Variants in CARMIL1 observed in about 807,000 individuals in gnomAD.
The protein encoded by CARMIL1 is capping protein regulator and myosin 1 linker 1.
Under a neutral mutation model 177.1 loss-of-function variants are expected in CARMIL1, and 90 were observed. That is an observed-to-expected ratio of 0.51 (90% CI 0.43 to 0.61). The LOEUF (loss-of-function observed/expected upper bound fraction) is 0.61, where lower values mean the gene tolerates loss of function less well. Among genes scored for constraint, CARMIL1 ranks in the 20% least tolerant of loss-of-function variants. The pLI, the probability that CARMIL1 is intolerant of heterozygous loss-of-function variation, is 0.00. For synonymous variants in CARMIL1, 577 were observed against 606.2 expected (o/e 0.95, Z 0.71); for missense variants, 1,380 against 1,667.0 (o/e 0.83, Z 3.00).
intron 5 of CARMIL1, among the ~76,000 whole-genome samples, chr6:25,437,735 C>T (rs1797356455): frequency 6.6e-6 from 1 of 152,212 alleles, no homozygotes; most frequent in Admixed American, 6.5e-5. Context: ...CACATAGTCT[C>T]ACAAGTTAAA....
chr6:25,397,351 C>G (rs1049923706), intron 2 of CARMIL1, among the ~76,000 whole-genome samples: 2 of 152,144 alleles, frequency 1.3e-5, no homozygotes, highest in African/African-American at 4.8e-5. Flanking sequence ...TCCAAATCCC[C>G]TTTCAAGAGG....
intron 8 of CARMIL1, chr6:25,451,986 G>GGGGGGGGGGGGGGGGGGGGGGGCCCC: frequency 8.9e-6 from 1 of 112,672 alleles, no homozygotes; most frequent in Non-Finnish European, 1.7e-5. Context: ...CTAGCATCTT[G>GGGGGGGGGGGGGGGGGGGGGGGCCCC]CCCCCCCCTC....
intron 15 of CARMIL1, 150 bp from the exon 16 acceptor site, chr6:25,494,961 G>C: frequency 1.8e-6 from 1 of 565,730 alleles, no homozygotes; most frequent in Non-Finnish European, 3.1e-6. Context: ...TGGATTTATG[G>C]CTTTAGGTTT....
intron 35 of CARMIL1, among the ~76,000 whole-genome samples, chr6:25,607,963 A>C (rs377487582): frequency 1.3e-4 from 20 of 152,310 alleles, no homozygotes; most frequent in East Asian, 9.6e-4. Flanking sequence ...GAACACAAAA[A>C]ATTTCTTGGT....
At chr6:25,418,463 C>A (rs553231283) in intron 2 of CARMIL1, among the ~76,000 whole-genome samples, 1 of 152,092 alleles carries the variant, frequency 6.6e-6, no homozygotes, top group South Asian at 2.1e-4. Flanking sequence ...CCGCACTCAT[C>A]CTGGCCATAC....
At chr6:25,593,527 T>G (rs916136648) in intron 31 of CARMIL1, among the ~76,000 whole-genome samples, 4 of 152,148 alleles carry the variant, frequency 2.6e-5, no homozygotes, top group Non-Finnish European at 5.9e-5. Context: ...GACTCAAAAG[T>G]GACTTAAACA....
intron 2 of CARMIL1, among the ~76,000 whole-genome samples, chr6:25,294,447 A>C (rs573544612): frequency 6.6e-6 from 1 of 152,118 alleles, no homozygotes; most frequent in Non-Finnish European, 1.5e-5. Context: ...CATGTGTCCT[A>C]ACCTAGGAGA....
At chr6:25,511,370 A>G (rs1805433724) in intron 20 of CARMIL1, among the ~76,000 whole-genome samples, 1 of 152,186 alleles carries the variant, frequency 6.6e-6, no homozygotes, top group African/African-American at 2.4e-5. Context: ...TTTATGGACA[A>G]AATAAGAAGC....
chr6:25,465,071 C>CAAAAAAAAAA (rs558022196), intron 8 of CARMIL1, among the ~76,000 whole-genome samples: 17 of 61,972 alleles, frequency 2.7e-4, no homozygotes, highest in African/African-American at 6.1e-4. Context: ...AGAACTAAAG[C>CAAAAAAAAAA]AAAAAAAAAA....
chr6:25,463,978 A>G (rs984182291), intron 8 of CARMIL1, among the ~76,000 whole-genome samples: 1 of 151,180 alleles, frequency 6.6e-6, no homozygotes, highest in Non-Finnish European at 1.5e-5. Flanking sequence ...GCCCGCCACT[A>G]CGCCCGGCTA....
intron 2 of CARMIL1, among the ~76,000 whole-genome samples, chr6:25,349,864 G>A (rs748310310): frequency 6.6e-6 from 1 of 151,998 alleles, no homozygotes; most frequent in Non-Finnish European, 1.5e-5. Context: ...GAGTAGCTGG[G>A]ATTACAGGCA....
intron 11 of CARMIL1, among the ~76,000 whole-genome samples, chr6:25,473,106 C>G (rs369288645): frequency 6.6e-6 from 1 of 152,218 alleles, no homozygotes; most frequent in South Asian, 2.1e-4. Context: ...CCCCCTATCT[C>G]ACAACACAGA....
chr6:25,471,091 T>C (rs1286410864), intron 9 of CARMIL1, 78 bp from the exon 10 acceptor site: 1 of 873,076 alleles, frequency 1.1e-6, no homozygotes, highest in Non-Finnish European at 1.8e-6. Context: ...ATTAAAACTT[T>C]GCATTGCATA....
intron 36 of CARMIL1, 45 bp from the exon 37 acceptor site, chr6:25,619,402 G>T: frequency 6.3e-7 from 1 of 1,589,654 alleles, no homozygotes; most frequent in East Asian, 2.3e-5. Flanking sequence ...CAGGCCACTG[G>T]TATTACTTTG....
intron 9 of CARMIL1, among the ~76,000 whole-genome samples, chr6:25,468,267 A>T (rs976993115): frequency 1.1e-4 from 16 of 151,428 alleles, no homozygotes; most frequent in Non-Finnish European, 1.6e-4. Flanking sequence ...TTGATTCATT[A>T]AAAAAAACAG....
chr6:25,487,222 C>T (rs1172090520), intron 12 of CARMIL1, among the ~76,000 whole-genome samples: 2 of 152,140 alleles, frequency 1.3e-5, no homozygotes, highest in Non-Finnish European at 1.5e-5. Context: ...AAGCTCACAG[C>T]AGGGAGGTGC....
At chr6:25,489,719 C>G (rs1803002608) in intron 13 of CARMIL1, among the ~76,000 whole-genome samples, 1 of 152,064 alleles carries the variant, frequency 6.6e-6, no homozygotes. Context: ...AAATGAAGGC[C>G]TTTTTGTATT....
At chr6:25,591,747 C>T (rs1190355960) in intron 31 of CARMIL1, among the ~76,000 whole-genome samples, 1 of 152,224 alleles carries the variant, frequency 6.6e-6, no homozygotes, top group Non-Finnish European at 1.5e-5. Flanking sequence ...AACCATGTCT[C>T]ATGGAAGATC....
chr6:25,330,459 C>G (rs976204587), intron 2 of CARMIL1, among the ~76,000 whole-genome samples: 7 of 152,136 alleles, frequency 4.6e-5, no homozygotes, highest in Admixed American at 4.6e-4. Context: ...TTGATTGCAG[C>G]TTGGTAACTG....
Sources: allele counts gnomAD v4.1 joint callset (sites outside exome capture counted in the v4.1 genomes callset), GRCh38; gene constraint gnomAD v4.1.1; transcripts MANE v1.5; gene names NCBI Gene and HGNC (gene_info 2026-07-23, HGNC 2026-07-21).